Variants in ARIH2 observed in about 807,000 individuals in gnomAD.
The protein encoded by ARIH2 is E3 ubiquitin-protein ligase ARIH2.
Under a neutral mutation model 79.8 loss-of-function variants are expected in ARIH2, and 12 were observed. That is an observed-to-expected ratio of 0.15 (90% CI 0.10 to 0.24). The LOEUF (loss-of-function observed/expected upper bound fraction) is 0.24, where lower values mean the gene tolerates loss of function less well. Ranked by LOEUF, ARIH2 falls within the 10% of genes least tolerant of loss-of-function variation. The pLI is 1.00. For synonymous variants in ARIH2, 224 were observed against 213.9 expected, an observed-to-expected ratio of 1.05 and a Z score of -0.41; for missense variants, 301 against 618.3, an observed-to-expected ratio of 0.49 and a Z score of 5.44.
rs570178827 is a variant in ARIH2 at position 48,940,331 on chromosome 3, AAGAT to A, written c.255+12531_255+12534del. 3.0e-3 allele frequency among the ~76,000 whole-genome samples: 450 copies of A among 152,076 alleles called. 4 individuals carry two copies. Among genetic ancestry groups the A allele is most frequent in the African/African-American group, 1.0e-2 (414 of 41,492 alleles). ...GTTGTGGTGAGCCCAGATTTTAAAA[AAGAT>A]AGATAGATAGATTGATTTTAAAAAG... is the stretch of plus-strand genomic sequence containing the variant. On this transcript the variant is annotated intron_variant, in intron 3 of 15. Coordinates refer to ENST00000356401, the MANE Select transcript of ARIH2 (RefSeq NM_006321.4).
chr3:48,953,485 G>A (rs2090203315), intron 3 of ARIH2, among the ~76,000 whole-genome samples: 1 of 151,948 alleles, frequency 6.6e-6, no homozygotes, highest in Non-Finnish European at 1.5e-5. Flanking sequence ...CTCACTGCAA[G>A]CTCCGCCTCC....
At chr3:48,978,287 G>A (rs2092610146) in intron 11 of ARIH2, among the ~76,000 whole-genome samples, 1 of 143,324 alleles carries the variant, frequency 7.0e-6, no homozygotes, top group Non-Finnish European at 1.5e-5. Context: ...ACACAGTCTC[G>A]CTCTGTCACC....
chr3:48,953,177 G>A (rs373997785), intron 3 of ARIH2, among the ~76,000 whole-genome samples: 1 of 152,078 alleles, frequency 6.6e-6, no homozygotes, highest in African/African-American at 2.4e-5. Context: ...TGACCTGCCC[G>A]CCTCGGCCTC....
chr3:48,982,822 G>A, intron 14 of ARIH2, 74 bp from the exon 15 acceptor site: 2 of 1,073,722 alleles, frequency 1.9e-6, no homozygotes, highest in Non-Finnish European at 2.9e-6. Context: ...TGCTGCATGT[G>A]CCCACCCCCG....
Position 48,953,118 on chromosome 3 carries a change from C to T in ARIH2, c.256-8494C>T, listed in dbSNP as rs187227597. 1.9e-3 allele frequency among the ~76,000 whole-genome samples: 286 copies of T among 152,070 alleles called. 2 individuals are homozygous for T. The highest frequency in any genetic ancestry group is 6.5e-3 in the African/African-American group (270 of 41,496). On this transcript the variant is annotated intron_variant, in intron 3 of 15. Transcript: ENST00000356401. Reference sequence around the variant, plus strand: ...CTAATTTTTATATTTTTAGTAGAGACAGGGTTTCACTATGTTGGCCAGGCT... The same window carrying T: ...CTAATTTTTATATTTTTAGTAGAGATAGGGTTTCACTATGTTGGCCAGGCT...
intron 4 of ARIH2, among the ~76,000 whole-genome samples, chr3:48,963,140 A>G (rs1456999281): frequency 6.6e-6 from 1 of 152,224 alleles, no homozygotes; most frequent in Non-Finnish European, 1.5e-5. Flanking sequence ...AGCTCAGCAC[A>G]GTCAGGAAAG....
chr3:48,980,182 T>C (rs1405885958), intron 12 of ARIH2, 171 bp from the exon 13 acceptor site: 5 of 639,958 alleles, frequency 7.8e-6, no homozygotes, highest in Non-Finnish European at 1.3e-5. Flanking sequence ...ACAGCTGCTC[T>C]GGACAGGTTA....
chr3:48,930,490 C>G (rs917992233), intron 3 of ARIH2, among the ~76,000 whole-genome samples: 2 of 151,920 alleles, frequency 1.3e-5, no homozygotes, highest in Non-Finnish European at 2.9e-5. Context: ...CTCAAAACAA[C>G]AAAAATTTTT....
At chr3:48,919,210 C>T (rs1025841652) in intron 1 of ARIH2, 3 of 1,276,310 alleles carry the variant, frequency 2.4e-6, no homozygotes, top group South Asian at 3.4e-5. Context: ...CCGCCGCCTT[C>T]TCAGCTCTCG....
chr3:48,933,717 A>AT (rs1350263099), intron 3 of ARIH2, among the ~76,000 whole-genome samples: 2 of 150,410 alleles, frequency 1.3e-5, no homozygotes, highest in Non-Finnish European at 1.5e-5. Flanking sequence ...ACCCGGCTAA[A>AT]TTTTTTTGTA....
intron 3 of ARIH2, among the ~76,000 whole-genome samples, chr3:48,959,523 C>T (rs77142416): frequency 2.7e-5 from 4 of 150,770 alleles, no homozygotes; most frequent in Non-Finnish European, 5.9e-5. Context: ...CTATGTGGGC[C>T]TCTGCAAGAA....
chr3:48,932,708 T>G (rs2086534191), intron 3 of ARIH2, among the ~76,000 whole-genome samples: 1 of 152,176 alleles, frequency 6.6e-6, no homozygotes, highest in African/African-American at 2.4e-5. Context: ...TTTCTCCTAG[T>G]GCCCTCATCT....
intron 3 of ARIH2, among the ~76,000 whole-genome samples, chr3:48,955,830 T>C (rs1397148068): frequency 6.6e-6 from 1 of 152,148 alleles, no homozygotes; most frequent in East Asian, 1.9e-4. Flanking sequence ...GTTCAGTCAG[T>C]TCTCTCTTGT....
chr3:48,971,126 T>C (rs1320569372), intron 8 of ARIH2, among the ~76,000 whole-genome samples: 10 of 152,362 alleles, frequency 6.6e-5, no homozygotes, highest in African/African-American at 2.4e-4. Flanking sequence ...CAAGGTTCAC[T>C]TCATTCAGTA....
At chr3:48,963,617 A>C (rs1346043040) in intron 4 of ARIH2, among the ~76,000 whole-genome samples, 1 of 152,226 alleles carries the variant, frequency 6.6e-6, no homozygotes, top group African/African-American at 2.4e-5. Flanking sequence ...AAATATAGAA[A>C]AGGAATTATT....
chr3:48,977,248 A>G (rs6786593), intron 11 of ARIH2, among the ~76,000 whole-genome samples: 5,567 of 152,038 alleles, frequency 0.037, 325 homozygotes, highest in African/African-American at 0.12. Context: ...TCTTTGCTGT[A>G]TGTTTTATAC....
chr3:48,975,363 C>G (rs2092442822), intron 11 of ARIH2, among the ~76,000 whole-genome samples: 1 of 152,158 alleles, frequency 6.6e-6, no homozygotes, highest in Non-Finnish European at 1.5e-5. Flanking sequence ...TTTTCCCTTG[C>G]CGTTTTACAA....
intron 4 of ARIH2, among the ~76,000 whole-genome samples, chr3:48,964,615 T>C (rs1429940292): frequency 6.6e-6 from 1 of 152,064 alleles, no homozygotes; most frequent in Non-Finnish European, 1.5e-5. Flanking sequence ...GCGCCTGGCC[T>C]AGAAGTTTAT....
chr3:48,922,995 C>T (rs2085021430), intron 2 of ARIH2, among the ~76,000 whole-genome samples, 184 bp downstream of exon 2: 1 of 152,058 alleles, frequency 6.6e-6, no homozygotes, highest in African/African-American at 2.4e-5. Context: ...ATCACGAGGT[C>T]AGGAGATCGA....
Sources: gnomAD v4.1 joint callset for allele counts (sites outside exome capture counted in the v4.1 genomes callset) on GRCh38, gnomAD v4.1.1 for gene constraint, MANE v1.5 for transcripts, NCBI Gene and HGNC (gene_info 2026-07-23, HGNC 2026-07-21) for gene names.